The following DCC variants were observed in gnomAD, a reference collection of about 807,000 sequenced individuals.
The protein encoded by DCC is DCC netrin 1 receptor, also known as netrin receptor DCC.
In DCC, 58 loss-of-function variants were observed where a neutral mutation model predicts 172.5. The observed-to-expected ratio is 0.34, with a 90% CI of 0.27 to 0.42. The LOEUF (loss-of-function observed/expected upper bound fraction) is 0.42, where lower values mean the gene tolerates loss of function less well. Among genes scored for constraint, DCC ranks in the 10% least tolerant of loss-of-function variants. The pLI is 1.00. For synonymous variants in DCC, 709 were observed against 644.5 expected (o/e 1.10, Z -1.52); for missense variants, 1,740 against 1,791.0 (o/e 0.97, Z 0.51).
intron 25 of DCC, among the ~76,000 whole-genome samples, chr18:53,485,110 T>C (rs2045886134): frequency 6.6e-6 from 1 of 152,018 alleles, no homozygotes. Flanking sequence ...TGTATTGTAT[T>C]AGGGATTTTT....
At chr18:52,792,195 T>G in intron 2 of DCC, among the ~76,000 whole-genome samples, 1 of 150,258 alleles carries the variant, frequency 6.7e-6, no homozygotes, top group African/African-American at 2.4e-5. Flanking sequence ...CTGTGGGGGG[T>G]GCGAGGGTGG....
chr18:53,144,186 C>T (rs1361964106), intron 7 of DCC, among the ~76,000 whole-genome samples: 1 of 152,160 alleles, frequency 6.6e-6, no homozygotes, highest in Non-Finnish European at 1.5e-5. Flanking sequence ...GATTGTCATT[C>T]ATATTTCCAT....
intron 1 of DCC, among the ~76,000 whole-genome samples, chr18:52,391,057 T>A (rs998060312): frequency 6.6e-6 from 1 of 152,116 alleles, no homozygotes; most frequent in African/African-American, 2.4e-5. Context: ...TACACACTTT[T>A]AGGCTTCTAC....
Position 53,305,734 on chromosome 18 carries a change from G to A in DCC, c.2053+15G>A. The A allele has an allele frequency of 6.2e-7, 1 of 1,612,944 alleles. No individual in the cohort carries two copies. The highest frequency in any genetic ancestry group is 1.1e-5 in the South Asian group (1 of 91,058). ...CCTATTCACAGGTCAGTGTTCACAT[G>A]GTGTAGTCTTGCAAGGTTTTGATGA... is the stretch of plus-strand genomic sequence containing the variant. On this transcript the variant is annotated intron_variant, in intron 13 of 28. Transcript: ENST00000442544.
chr18:52,464,544 C>T (rs1210859945), intron 1 of DCC, among the ~76,000 whole-genome samples: 7 of 152,098 alleles, frequency 4.6e-5, no homozygotes, highest in African/African-American at 2.4e-5. Flanking sequence ...CAACGCAAAG[C>T]GGTGATTTTA....
chr18:52,714,368 A>T lies in DCC; in HGVS notation c.92-37686A>T, dbSNP rs76611995. The stretch of plus-strand genomic sequence containing the variant: ...TTGTGTTAATGATCATATAAAACTC[A>T]GCCAAACAGACAAAGCAACAAGAGA... On this transcript the variant is annotated intron_variant, in intron 1 of 28. Transcript: ENST00000442544. 9.4e-3 allele frequency among the ~76,000 whole-genome samples: 1,437 copies of T among 152,362 alleles called. 15 individuals carry two copies. Among genetic ancestry groups the T allele is most frequent in the Middle Eastern group, 0.024 (7 of 294 alleles).
intron 1 of DCC, among the ~76,000 whole-genome samples, chr18:52,683,668 T>C (rs1030836173): frequency 6.6e-6 from 1 of 152,090 alleles, no homozygotes; most frequent in African/African-American, 2.4e-5. Context: ...AGCTCCCTTT[T>C]GAACTCTCAG....
intron 12 of DCC, among the ~76,000 whole-genome samples, chr18:53,266,288 A>T (rs1391058817): frequency 2.0e-5 from 3 of 152,152 alleles, no homozygotes; most frequent in Admixed American, 6.5e-5. Flanking sequence ...CATACATTGT[A>T]TGGGCCATGT....
rs554933193 is a variant in DCC at position 53,048,096 on chromosome 18, A to T, written c.986-15209A>T. Among the ~76,000 whole-genome samples, 6 of 152,068 alleles carry T rather than the reference A, an allele frequency of 3.9e-5. No individual in the cohort carries two copies. In the South Asian group the frequency reaches 1.2e-3, roughly 32 times the overall value. The stretch of plus-strand genomic sequence containing the variant: ...TTTTCTTTTGAGTTATGTTTTGAGA[A>T]TACTGAGTCTCTATTTGTTGATGTT... On this transcript the variant is annotated intron_variant, in intron 5 of 28. Transcript: ENST00000442544.
intron 27 of DCC, among the ~76,000 whole-genome samples, chr18:53,512,203 T>C (rs1053584104): frequency 6.6e-6 from 1 of 152,082 alleles, no homozygotes; most frequent in Non-Finnish European, 1.5e-5. Flanking sequence ...AGGAGCACAC[T>C]GACACCTCAC....
intron 1 of DCC, among the ~76,000 whole-genome samples, chr18:52,470,908 A>G (rs1207384052): frequency 1.3e-5 from 2 of 152,226 alleles, no homozygotes; most frequent in Non-Finnish European, 2.9e-5. Flanking sequence ...CATTTACAGT[A>G]ACAGATAGGC....
intron 2 of DCC, among the ~76,000 whole-genome samples, chr18:52,802,813 A>C (rs928660934): frequency 1.3e-5 from 2 of 151,086 alleles, no homozygotes; most frequent in Non-Finnish European, 3.0e-5. Context: ...AGCCCTGAAA[A>C]TCTTAACTAC....
At chr18:53,265,648 A>G (rs1044234189) in intron 12 of DCC, among the ~76,000 whole-genome samples, 10 of 152,214 alleles carry the variant, frequency 6.6e-5, no homozygotes, top group African/African-American at 2.4e-4. Flanking sequence ...CTTACATGGC[A>G]TATAGTTCCA....
Position 52,356,163 on chromosome 18 carries a change from A to G in DCC, c.91+15285A>G, listed in dbSNP as rs4435352. Among the ~76,000 whole-genome samples, 289 of 152,290 alleles carry G rather than the reference A, an allele frequency of 1.9e-3. 10 individuals carry two copies. In the East Asian group the frequency reaches 0.046, roughly 24 times the overall value. ...CATACATAATGTAATTTTAAAATAA[A>G]GAGGCTTTACCAGTAGGGCTTTTTA... On this transcript the variant is annotated intron_variant, in intron 1 of 28. Transcript: ENST00000442544.
chr18:52,785,116 A>T (rs9953246), intron 2 of DCC, among the ~76,000 whole-genome samples: 9,146 of 152,084 alleles, frequency 0.06, 359 homozygotes, highest in South Asian at 0.16. Flanking sequence ...CCCAACCTAG[A>T]ATGTAAATGG....
intron 7 of DCC, among the ~76,000 whole-genome samples, chr18:53,137,713 C>G (rs1269395792): frequency 1.3e-5 from 2 of 152,066 alleles, no homozygotes; most frequent in East Asian, 3.8e-4. Context: ...AAATAAGTAA[C>G]TTTCTAATAA....
At chr18:53,364,825 C>T (rs756252681) in intron 15 of DCC, among the ~76,000 whole-genome samples, 14 of 152,064 alleles carry the variant, frequency 9.2e-5, no homozygotes, top group Non-Finnish European at 1.5e-4. Flanking sequence ...TCCTAACCAT[C>T]CCACAAATGT....
chr18:52,730,218 T>C (rs1348374340), intron 1 of DCC, among the ~76,000 whole-genome samples: 1 of 152,172 alleles, frequency 6.6e-6, no homozygotes, highest in African/African-American at 2.4e-5. Flanking sequence ...GAGACATTTT[T>C]GGTTGTCACA....
chr18:52,870,541 G>C (rs1010413244), intron 2 of DCC, among the ~76,000 whole-genome samples: 3 of 152,156 alleles, frequency 2.0e-5, no homozygotes, highest in Admixed American at 6.5e-5. Flanking sequence ...TATTCCGGAG[G>C]CCGTAGGATT....
Sources: gnomAD v4.1 joint callset for allele counts (sites outside exome capture counted in the v4.1 genomes callset) on GRCh38, gnomAD v4.1.1 for gene constraint, MANE v1.5 for transcripts, NCBI Gene and HGNC (gene_info 2026-07-23, HGNC 2026-07-21) for gene names.